DAAM1: variants seen among roughly 807,000 people sequenced by gnomAD.
DAAM1 encodes dishevelled associated activator of morphogenesis 1, also known as disheveled-associated activator of morphogenesis 1.
A neutral mutation model predicts 130.0 loss-of-function variants in DAAM1; 52 were observed. That is an observed-to-expected ratio of 0.40 (90% CI 0.32 to 0.50). The LOEUF is 0.50. Ranked by LOEUF, DAAM1 falls within the 20% of genes least tolerant of loss-of-function variation. The probability of loss-of-function intolerance (pLI) is 0.61; values close to 1 mark genes in which losing one functional copy is unlikely to be tolerated. For missense variants in DAAM1, 1,134 were observed against 1,303.8 expected (o/e 0.87, Z 2.01); for synonymous variants, 452 against 444.5 (o/e 1.02, Z -0.21).
At chr14:59,201,799 A>G (rs1187607056) in intron 1 of DAAM1, among the ~76,000 whole-genome samples, 1 of 152,118 alleles carries the variant, frequency 6.6e-6, no homozygotes, top group African/African-American at 2.4e-5. Context: ...GTCTCAAAAA[A>G]AAAAAAAAAA....
intron 1 of DAAM1, among the ~76,000 whole-genome samples, chr14:59,247,709 A>T (rs537095647): frequency 7.1e-4 from 107 of 151,550 alleles, no homozygotes; most frequent in African/African-American, 2.4e-3. Context: ...ATGTAATCCA[A>T]GCTCATGTTA....
chr14:59,322,820 C>G (rs1885064365), intron 5 of DAAM1, 72 bp from the exon 6 acceptor site: 1 of 1,272,498 alleles, frequency 7.9e-7, no homozygotes, highest in East Asian at 2.3e-5. Context: ...CCCCTGCCCT[C>G]TAGACTTTTC....
Position 59,324,344 on chromosome 14 carries a change from CT to C in DAAM1, c.886-4del. The C allele has an allele frequency of 6.4e-7, 1 of 1,553,692 alleles. No homozygotes were observed. The highest frequency in any genetic ancestry group is 1.4e-5 in the African/African-American group (1 of 73,242). ...AAATATGTATTTTATTGCCATTTTACTTTCAGGAGAGTTTGGACTTTAGACT... is the reference window on the plus strand; with the variant it reads ...AAATATGTATTTTATTGCCATTTTACTTCAGGAGAGTTTGGACTTTAGACT... On this transcript the variant is annotated splice_region_variant and splice_polypyrimidine_tract_variant and intron_variant, in intron 7 of 24. Transcript: ENST00000360909.
intron 1 of DAAM1, among the ~76,000 whole-genome samples, chr14:59,216,393 G>A (rs1888580661): frequency 6.6e-6 from 1 of 152,136 alleles, no homozygotes; most frequent in African/African-American, 2.4e-5. Context: ...GTATTTCATA[G>A]AGTAGGCAAA....
chr14:59,205,570 G>C (rs1888232671), intron 1 of DAAM1, among the ~76,000 whole-genome samples: 1 of 152,126 alleles, frequency 6.6e-6, no homozygotes, highest in African/African-American at 2.4e-5. Context: ...TAAAAATTGA[G>C]GTCATGAAAT....
chr14:59,328,274 A>C (rs1885286224), intron 12 of DAAM1, among the ~76,000 whole-genome samples: 1 of 152,260 alleles, frequency 6.6e-6, no homozygotes, highest in Non-Finnish European at 1.5e-5. Context: ...GCTCCCAAAT[A>C]AGTGACATTG....
chr14:59,331,788 G>A (rs377310208), intron 14 of DAAM1, 25 bp from the exon 15 acceptor site: 241 of 1,602,710 alleles, frequency 1.5e-4, no homozygotes, highest in Admixed American at 6.3e-4. Flanking sequence ...GTAAACTATA[G>A]CACTTATTAC....
At chr14:59,256,390 A>G (rs145082998) in intron 1 of DAAM1, among the ~76,000 whole-genome samples, 82 of 152,372 alleles carry the variant, frequency 5.4e-4, no homozygotes, top group African/African-American at 1.9e-3. Flanking sequence ...GTTGAAGAGC[A>G]GTACAAATGA....
At position 59,225,016 on chromosome 14, in the gene DAAM1, T is replaced by TG. The variant is rs200749548; in HGVS notation, c.-38+36251dup. 1.3e-4 allele frequency among the ~76,000 whole-genome samples: 16 copies of TG among 121,618 alleles called. 1 individual carries two copies. Among genetic ancestry groups the TG allele is most frequent in the Admixed American group, 2.6e-4 (3 of 11,740 alleles). 79.8% of individuals were successfully genotyped at this position (121,618 alleles called of 152,430 possible). On this transcript the variant is annotated intron_variant, in intron 1 of 24. Transcript: ENST00000360909. ...TAGGACTGTAAGAAATAAATCTGTG[T>TG]GGGTTTTTTTTTTTTTTTTTTTTTT...
At chr14:59,190,837 T>G (rs993820233) in intron 1 of DAAM1, among the ~76,000 whole-genome samples, 6 of 152,220 alleles carry the variant, frequency 3.9e-5, no homozygotes, top group African/African-American at 1.4e-4. Flanking sequence ...AATCTGAAGT[T>G]AAGGGTTTAA....
intron 10 of DAAM1, 73 bp from the exon 11 acceptor site, chr14:59,326,437 C>A: frequency 6.8e-7 from 1 of 1,466,636 alleles, no homozygotes; most frequent in Non-Finnish European, 9.2e-7. Context: ...AAAGGGTGAC[C>A]ACCATTGACA....
At chr14:59,350,584 C>G (rs1886253394) in intron 17 of DAAM1, among the ~76,000 whole-genome samples, 1 of 152,084 alleles carries the variant, frequency 6.6e-6, no homozygotes, top group Non-Finnish European at 1.5e-5. Flanking sequence ...CACTTTCTAC[C>G]CACTCTGCTG....
In DAAM1 at chr14:59,338,583, A is replaced by G. The variant is rs2273754; in HGVS notation, c.1969-1491A>G. Among the ~76,000 whole-genome samples, 59 of 152,270 alleles carry G rather than the reference A, an allele frequency of 3.9e-4. No homozygotes were observed. In the East Asian group the frequency reaches 8.5e-3, roughly 22 times the overall value. On this transcript the variant is annotated intron_variant, in intron 15 of 24. Coordinates refer to ENST00000360909, the MANE Select transcript of DAAM1 (RefSeq NM_001270520.2). ...TTTCAACTCTTAAATGAGTATCTAG[A>G]GGTTCGCCTGAAATTTTAGCATGAG... is the stretch of plus-strand genomic sequence containing the variant.
intron 1 of DAAM1, among the ~76,000 whole-genome samples, chr14:59,189,413 G>C (rs1566639977): frequency 6.6e-6 from 1 of 152,228 alleles, no homozygotes; most frequent in Non-Finnish European, 1.5e-5. Flanking sequence ...CGGAGGGAGA[G>C]CAGGGTGTTG....
At chr14:59,198,448 C>T (rs916795917) in intron 1 of DAAM1, among the ~76,000 whole-genome samples, 6 of 152,200 alleles carry the variant, frequency 3.9e-5, no homozygotes, top group Admixed American at 3.9e-4. Context: ...TTGTGATCCG[C>T]CTGAACTCCT....
intron 3 of DAAM1, among the ~76,000 whole-genome samples, chr14:59,309,357 G>T (rs1884490240): frequency 6.6e-6 from 1 of 152,222 alleles, no homozygotes; most frequent in South Asian, 2.1e-4. Flanking sequence ...TCTAGAAAAA[G>T]TTCAGGTTAC....
chr14:59,260,625 C>T (rs971875328), intron 1 of DAAM1, among the ~76,000 whole-genome samples: 1 of 152,154 alleles, frequency 6.6e-6, no homozygotes, highest in Non-Finnish European at 1.5e-5. Context: ...CCCTTATTTG[C>T]TCTTGCAGAT....
intron 1 of DAAM1, among the ~76,000 whole-genome samples, chr14:59,198,702 A>G (rs1420958894): frequency 6.6e-6 from 1 of 152,248 alleles, no homozygotes; most frequent in African/African-American, 2.4e-5. Flanking sequence ...GAGTAAATGT[A>G]GATTCAATTT....
At chr14:59,312,075 A>G (rs1420573241) in intron 3 of DAAM1, among the ~76,000 whole-genome samples, 3 of 152,178 alleles carry the variant, frequency 2.0e-5, no homozygotes, top group Non-Finnish European at 4.4e-5. Context: ...TCGTGATTAT[A>G]TATCTGTACA....
Sources: gnomAD v4.1 joint callset for allele counts (sites outside exome capture counted in the v4.1 genomes callset) on GRCh38, gnomAD v4.1.1 for gene constraint, MANE v1.5 for transcripts, NCBI Gene and HGNC (gene_info 2026-07-23, HGNC 2026-07-21) for gene names.